HSF2BP: variants seen among roughly 807,000 people sequenced by gnomAD.
HSF2BP encodes heat shock factor 2-binding protein.
A neutral mutation model predicts 35.0 loss-of-function variants in HSF2BP; 35 were observed. The observed-to-expected ratio is 1.00, with a 90% CI of 0.76 to 1.32. The LOEUF (loss-of-function observed/expected upper bound fraction) is 1.32, where lower values mean the gene tolerates loss of function less well. Ranked by LOEUF, HSF2BP falls within the 40% of genes most tolerant of loss-of-function variation. HSF2BP has a pLI of 0.00. For missense variants in HSF2BP, 326 were observed against 321.7 expected, an observed-to-expected ratio of 1.01 and a Z score of -0.10; for synonymous variants, 114 against 117.4, an observed-to-expected ratio of 0.97 and a Z score of 0.18.
chr21:43,584,591 A>G (rs1299757905), intron 8 of HSF2BP, among the ~76,000 whole-genome samples: 1 of 152,212 alleles, frequency 6.6e-6, no homozygotes, highest in Admixed American at 6.5e-5. Flanking sequence ...CTCATGGTCC[A>G]ATCAAGTTGA....
At chr21:43,467,973 CACCA>C in the HSF2BP span, among the ~76,000 whole-genome samples, 14 of 111,094 alleles carry the variant, frequency 1.3e-4, no homozygotes, top group Non-Finnish European at 2.6e-4. Flanking sequence ...ACCACACACA[CACCA>C]CACACACCAC....
chr21:43,574,286 A>G (rs143773667), intron 8 of HSF2BP, among the ~76,000 whole-genome samples: 1 of 149,920 alleles, frequency 6.7e-6, no homozygotes, highest in African/African-American at 2.5e-5. Flanking sequence ...GACATCAGCA[A>G]ATCTACACGT....
chr21:43,632,419 CCA>C (rs1343430237), intron 5 of HSF2BP, among the ~76,000 whole-genome samples: 112 of 136,986 alleles, frequency 8.2e-4, no homozygotes, highest in Admixed American at 2.4e-3. Context: ...ACACATGCTC[CCA>C]CACACACACA....
At chr21:43,631,963 T>A (rs1237763313) in intron 5 of HSF2BP, among the ~76,000 whole-genome samples, 31 of 89,910 alleles carry the variant, frequency 3.4e-4, no homozygotes, top group South Asian at 1.2e-3. Flanking sequence ...GCACACACAC[T>A]CCCCCCCCAC....
At chr21:43,574,903 A>G (rs981297193) in intron 8 of HSF2BP, among the ~76,000 whole-genome samples, 4 of 152,188 alleles carry the variant, frequency 2.6e-5, no homozygotes, top group Non-Finnish European at 5.9e-5. Context: ...CAAAAGTGCC[A>G]GCAGCACGAG....
In HSF2BP at chr21:43,594,334, C is replaced by A. The variant is rs1028758110; in HGVS notation, c.693-2006G>T. On this transcript the variant is annotated intron_variant, in intron 7 of 8. Coordinates refer to ENST00000291560, the MANE Select transcript of HSF2BP (RefSeq NM_007031.2). ...GGATGTGAGTGTACAGAAGTAAACA[C>A]TGGGGGGTAAAAGCAGTCATTAAAA... is the stretch of plus-strand genomic sequence containing the variant. 2.0e-5 allele frequency among the ~76,000 whole-genome samples: 3 copies of A among 152,078 alleles called. No homozygotes were observed. In the East Asian group the frequency reaches 5.8e-4, roughly 29 times the overall value.
intron 8 of HSF2BP, among the ~76,000 whole-genome samples, chr21:43,590,750 A>G (rs1242572395): frequency 4.6e-5 from 7 of 152,240 alleles, no homozygotes; most frequent in Non-Finnish European, 7.3e-5. Flanking sequence ...AGCACGGCAA[A>G]AAAGAATACA....
rs540769469 is a variant in HSF2BP, at chr21:43,642,949, C to T, written c.291+1340G>A. ...CTGGTCTCGAACTCCTGACCGCAAG[C>T]GAACCGCCCACCCTGGCCTCCCAAA... On this transcript the variant is annotated intron_variant, in intron 4 of 8. Coordinates refer to ENST00000291560, the MANE Select transcript of HSF2BP (RefSeq NM_007031.2). Among the ~76,000 whole-genome samples the T allele has an allele frequency of 1.3e-4, 19 of 151,936 alleles. No homozygotes were observed. The East Asian group carries it at 2.5e-3, about 20-fold the overall frequency.
chr21:43,580,087 T>C (rs2081704806), intron 8 of HSF2BP, among the ~76,000 whole-genome samples: 1 of 152,010 alleles, frequency 6.6e-6, no homozygotes, highest in African/African-American at 2.4e-5. Flanking sequence ...AGCCTCCCCG[T>C]GTCATGTTCC....
At chr21:43,585,244 G>A (rs1176809289) in intron 8 of HSF2BP, among the ~76,000 whole-genome samples, 4 of 152,112 alleles carry the variant, frequency 2.6e-5, no homozygotes, top group Admixed American at 6.5e-5. Flanking sequence ...CCAGGAATTC[G>A]ATTTACAGTC....
intron 3 of HSF2BP, among the ~76,000 whole-genome samples, chr21:43,650,869 GGCTAATTTTT>G (rs1277243043): frequency 6.6e-6 from 1 of 151,802 alleles, no homozygotes; most frequent in Non-Finnish European, 1.5e-5. Flanking sequence ...CATCACACCC[GGCTAATTTTT>G]GTATTTTTAG....
At chr21:43,593,723 A>G (rs1359899004) in intron 7 of HSF2BP, among the ~76,000 whole-genome samples, 1 of 152,190 alleles carries the variant, frequency 6.6e-6, no homozygotes, top group African/African-American at 2.4e-5. Context: ...AGACACATGG[A>G]AAAGGAGAAA....
chr21:43,649,580 G>C (rs987830167), intron 3 of HSF2BP, among the ~76,000 whole-genome samples: 56 of 152,178 alleles, frequency 3.7e-4, no homozygotes, highest in African/African-American at 1.3e-3. Flanking sequence ...ATTTTAAAAG[G>C]TTAAAATTAT....
At chr21:43,613,784 A>G (rs200250683) in intron 7 of HSF2BP, 46 bp downstream of exon 7, 28 of 1,277,788 alleles carry the variant, frequency 2.2e-5, no homozygotes, top group Non-Finnish European at 3.0e-5. Context: ...AGCACAGTCT[A>G]ATTAATATGT....
rs536411970 is a variant in HSF2BP, at chr21:43,589,409, T to C, written c.796+2816A>G. The stretch of plus-strand genomic sequence containing the variant: ...TGTGTTCATGGATTGTAAGTCTCAA[T>C]ATTGCTAAAGTGTCAATTATCCCCC... On this transcript the variant is annotated intron_variant, in intron 8 of 8. Coordinates refer to ENST00000291560, the MANE Select transcript of HSF2BP (RefSeq NM_007031.2). 2.0e-5 allele frequency among the ~76,000 whole-genome samples: 3 copies of C among 152,298 alleles called. No individual in the cohort carries two copies. The East Asian group carries it at 5.8e-4, about 29-fold the overall frequency.
chr21:43,644,477 T>A, intron 3 of HSF2BP, 85 bp from the exon 4 acceptor site: 1 of 977,028 alleles, frequency 1.0e-6, no homozygotes, highest in Non-Finnish European at 1.6e-6. Context: ...CTTGACTTAG[T>A]AAAATGTGTA....
chr21:43,614,220 C>T (rs769673744), intron 6 of HSF2BP, among the ~76,000 whole-genome samples: 6 of 151,770 alleles, frequency 4.0e-5, no homozygotes, highest in Non-Finnish European at 5.9e-5. Flanking sequence ...AAAAATTAGC[C>T]GGGCACGGTG....
intron 6 of HSF2BP, among the ~76,000 whole-genome samples, chr21:43,619,413 C>G (rs1054253081): frequency 2.6e-4 from 40 of 152,150 alleles, no homozygotes; most frequent in African/African-American, 9.7e-4. Flanking sequence ...GGCTTCACTG[C>G]CTCCCAAAAG....
Position 43,658,170 on chromosome 21 carries a change from A to G in HSF2BP, c.-74T>C. 7.0e-7 allele frequency: 1 copy of G among 1,436,210 alleles called. No individual in the cohort carries two copies. 89.0% of individuals were successfully genotyped at this position (1,436,210 alleles called of 1,614,324 possible). On this transcript the variant is annotated 5_prime_UTR_variant, in exon 2 of 9. Coordinates refer to ENST00000291560, the MANE Select transcript of HSF2BP (RefSeq NM_007031.2). Reference sequence around the variant, plus strand: ...GACCCCTCACGCCAGAAAGCGCGGGAACGAATCCACGCCGGGGGTCGGGAA... The same window carrying G: ...GACCCCTCACGCCAGAAAGCGCGGGGACGAATCCACGCCGGGGGTCGGGAA...
Sources: gnomAD v4.1 joint callset for allele counts (sites outside exome capture counted in the v4.1 genomes callset) on GRCh38, gnomAD v4.1.1 for gene constraint, MANE v1.5 for transcripts, NCBI Gene and HGNC (gene_info 2026-07-23, HGNC 2026-07-21) for gene names.